Variants in CNTLN observed in about 807,000 individuals in gnomAD.
CNTLN encodes the protein centlein, centrosomal protein.
A neutral mutation model predicts 180.0 loss-of-function variants in CNTLN; 212 were observed. That is an observed-to-expected ratio of 1.18 (90% CI 1.05 to 1.32). The LOEUF (loss-of-function observed/expected upper bound fraction) is 1.32. Among genes scored for constraint, CNTLN ranks in the 40% most tolerant of loss-of-function variants. The probability of loss-of-function intolerance (pLI) is 0.00; values close to 1 mark genes in which losing one functional copy is unlikely to be tolerated. For missense variants in CNTLN, 2,095 were observed against 1,610.9 expected (o/e 1.30, Z -5.14); for synonymous variants, 722 against 563.1 (o/e 1.28, Z -3.99).
At chr9:17,465,159 C>T (rs1429274105) in intron 21 of CNTLN, among the ~76,000 whole-genome samples, 4 of 148,338 alleles carry the variant, frequency 2.7e-5, no homozygotes, top group Non-Finnish European at 6.0e-5. Flanking sequence ...TTTCACAACT[C>T]ATAAAGCACC....
chr9:17,396,952 A>G (rs1193508481), intron 15 of CNTLN, among the ~76,000 whole-genome samples: 1 of 152,156 alleles, frequency 6.6e-6, no homozygotes, highest in Non-Finnish European at 1.5e-5. Flanking sequence ...AATAGCAATT[A>G]GAGGTAAAAA....
chr9:17,189,314 C>T (rs1252360629), intron 2 of CNTLN, among the ~76,000 whole-genome samples: 1 of 151,316 alleles, frequency 6.6e-6, no homozygotes, highest in Non-Finnish European at 1.5e-5. Flanking sequence ...AATCTTCTGA[C>T]CTCATGATCT....
intron 12 of CNTLN, among the ~76,000 whole-genome samples, chr9:17,359,369 A>G (rs1188264363): frequency 6.6e-6 from 1 of 152,094 alleles, no homozygotes; most frequent in Non-Finnish European, 1.5e-5. Flanking sequence ...AAAAATTGAT[A>G]AATTGGCCTA....
intron 19 of CNTLN, among the ~76,000 whole-genome samples, chr9:17,459,077 CA>C (rs1186667130): frequency 6.6e-6 from 1 of 151,562 alleles, no homozygotes; most frequent in Non-Finnish European, 1.5e-5. Flanking sequence ...TGTTTTTCAC[CA>C]AGATAAAATA....
chr9:17,205,979 A>T (rs550015262), intron 2 of CNTLN, among the ~76,000 whole-genome samples: 1 of 152,086 alleles, frequency 6.6e-6, no homozygotes, highest in African/African-American at 2.4e-5. Context: ...ATAATTAATG[A>T]GAATAACCTG....
chr9:17,264,154 T>G (rs1280870432), intron 5 of CNTLN, among the ~76,000 whole-genome samples: 2 of 143,788 alleles, frequency 1.4e-5, no homozygotes, highest in Admixed American at 6.8e-5. Flanking sequence ...CTAGGTTTTC[T>G]TCTAGGGTTT....
At chr9:17,387,919 C>T (rs1351493111) in intron 13 of CNTLN, among the ~76,000 whole-genome samples, 2 of 143,584 alleles carry the variant, frequency 1.4e-5, no homozygotes, top group East Asian at 2.0e-4. Context: ...ACCTGAAGAT[C>T]TATTGTACTT....
chr9:17,494,522 C>G (rs934141679), intron 25 of CNTLN, among the ~76,000 whole-genome samples: 6 of 152,084 alleles, frequency 3.9e-5, no homozygotes, highest in African/African-American at 1.4e-4. Context: ...TCCCTCCTCC[C>G]ACCCTCTACC....
chr9:17,227,951 G>C (rs16935410), intron 3 of CNTLN, among the ~76,000 whole-genome samples: 3,360 of 152,128 alleles, frequency 0.022, 125 homozygotes, highest in African/African-American at 0.076. Context: ...AGGCTAAGCT[G>C]CTTGACAAGT....
chr9:17,168,559 CTG>C (rs1387683255), intron 2 of CNTLN: 8 of 152,056 alleles, frequency 5.3e-5, no homozygotes, highest in African/African-American at 1.9e-4. Flanking sequence ...AAATATGTGA[CTG>C]TTCATGCTGA....
intron 6 of CNTLN, among the ~76,000 whole-genome samples, chr9:17,295,128 C>T (rs1051808167): frequency 3.3e-5 from 5 of 151,268 alleles, no homozygotes; most frequent in East Asian, 2.0e-4. Flanking sequence ...GCTCTGAGTG[C>T]GGGCCGCCAA....
At chr9:17,361,068 A>T (rs1249970637) in intron 12 of CNTLN, among the ~76,000 whole-genome samples, 1 of 151,984 alleles carries the variant, frequency 6.6e-6, no homozygotes, top group Non-Finnish European at 1.5e-5. Context: ...ATTTTTTTAA[A>T]TTATTATTAT....
chr9:17,201,787 C>T lies in CNTLN; in HGVS notation c.450-24416C>T, dbSNP rs1822550112. 2.0e-5 allele frequency among the ~76,000 whole-genome samples: 3 copies of T among 151,940 alleles called. No homozygotes were observed. In the South Asian group the frequency reaches 6.2e-4, roughly 31 times the overall value. The stretch of plus-strand genomic sequence containing the variant: ...GTCAATCTTTTCAAAAAACCAGCTC[C>T]TGGATTCATTGATTTTTTTTTAAGG... On this transcript the variant is annotated intron_variant, in intron 2 of 25. Transcript: ENST00000380647.
intron 5 of CNTLN, among the ~76,000 whole-genome samples, chr9:17,269,506 C>G (rs1365906337): frequency 1.3e-5 from 2 of 152,068 alleles, no homozygotes; most frequent in Non-Finnish European, 2.9e-5. Context: ...TTCTTTCTTT[C>G]ATGATCTCTT....
the CNTLN span, among the ~76,000 whole-genome samples, chr9:17,512,961 C>T: frequency 5.3e-5 from 8 of 152,066 alleles, no homozygotes; most frequent in African/African-American, 1.9e-4. Context: ...GGACTACAGG[C>T]GCCCACCACT....
chr9:17,306,147 T>C (rs924710051), intron 7 of CNTLN, among the ~76,000 whole-genome samples: 1 of 41,012 alleles, frequency 2.4e-5, no homozygotes, highest in Non-Finnish European at 4.3e-5. Context: ...TAGTCGTCTA[T>C]TTTTTTTTTT....
Position 17,166,060 on chromosome 9 carries a change from T to C in CNTLN, c.449+22684T>C, listed in dbSNP as rs1820048720. ...AGACATTTGAGTAAAACTTTTAATA[T>C]GAAGGATAAGAAACCAGAAGTAACA... On this transcript the variant is annotated intron_variant, in intron 2 of 25. Transcript: ENST00000380647. Among the ~76,000 whole-genome samples the C allele has an allele frequency of 2.0e-5, 3 of 152,148 alleles. No individual in the cohort carries two copies. In the South Asian group the frequency reaches 6.2e-4, roughly 32 times the overall value.
chr9:17,276,450 C>T (rs1022096614), intron 6 of CNTLN, among the ~76,000 whole-genome samples: 2 of 152,092 alleles, frequency 1.3e-5, no homozygotes, highest in Admixed American at 6.6e-5. Context: ...TATTTGGATA[C>T]ACTTTTCCTC....
At chr9:17,274,739 C>A (rs146557641) in intron 6 of CNTLN, among the ~76,000 whole-genome samples, 1 of 152,106 alleles carries the variant, frequency 6.6e-6, no homozygotes, top group East Asian at 1.9e-4. Flanking sequence ...GGGTGGAGTT[C>A]TTTGGTAAAA....
Sources: allele counts gnomAD v4.1 joint callset (sites outside exome capture counted in the v4.1 genomes callset), GRCh38; gene constraint gnomAD v4.1.1; transcripts MANE v1.5; gene names NCBI Gene and HGNC (gene_info 2026-07-23, HGNC 2026-07-21).